Variants in LRRTM4 observed in about 807,000 individuals in gnomAD.
LRRTM4 encodes leucine-rich repeat transmembrane neuronal protein 4.
Under a neutral mutation model 47.6 loss-of-function variants are expected in LRRTM4, and 25 were observed. The observed-to-expected ratio is 0.53, with a 90% CI of 0.38 to 0.73. The LOEUF (loss-of-function observed/expected upper bound fraction) is 0.73. Among genes scored for constraint, LRRTM4 ranks in the 30% least tolerant of loss-of-function variants. LRRTM4 has a pLI of 0.00. For missense variants in LRRTM4, 638 were observed against 713.4 expected (o/e 0.89, Z 1.20); for synonymous variants, 311 against 269.5 (o/e 1.15, Z -1.51).
intron 3 of LRRTM4, among the ~76,000 whole-genome samples, chr2:76,844,591 G>A (rs2103946440): frequency 6.6e-6 from 1 of 152,146 alleles, no homozygotes; most frequent in East Asian, 1.9e-4. Flanking sequence ...TTTTACTGAA[G>A]TTTATCAAAC....
At chr2:76,953,441 G>A (rs912621844) in intron 3 of LRRTM4, among the ~76,000 whole-genome samples, 1 of 151,750 alleles carries the variant, frequency 6.6e-6, no homozygotes, top group African/African-American at 2.4e-5. Context: ...CTTTCCTAAC[G>A]CAGCACTGCT....
rs532307224 is a variant in LRRTM4 at position 76,859,117 on chromosome 2, T to A, written c.1552-110201A>T. ...TCAGTTTTCCATGCTATCATTTTATTTGCACTTCATAAAAATACCATAAAG... is the reference window on the plus strand; with the variant it reads ...TCAGTTTTCCATGCTATCATTTTATATGCACTTCATAAAAATACCATAAAG... On this transcript the variant is annotated intron_variant, in intron 3 of 3. Transcript: ENST00000409884. 2.6e-5 allele frequency among the ~76,000 whole-genome samples: 4 copies of A among 152,306 alleles called. No homozygotes were observed. The South Asian group carries it at 8.3e-4, about 32-fold the overall frequency.
chr2:77,431,086 T>C lies in LRRTM4; in HGVS notation c.1551+87232A>G, dbSNP rs1020381802. 2.7e-5 allele frequency among the ~76,000 whole-genome samples: 4 copies of C among 148,764 alleles called. 1 individual carries two copies. Among genetic ancestry groups the C allele is most frequent in the Non-Finnish European group, 2.9e-5 (2 of 68,006 alleles). On this transcript the variant is annotated intron_variant, in intron 3 of 3. Coordinates refer to ENST00000409884, the MANE Select transcript of LRRTM4 (RefSeq NM_001134745.3). ...TGCCTAGGACTGAGAGTCGCAACAT[T>C]GGTTTCCCCGGTTCTTCGACTCCAA... is the stretch of plus-strand genomic sequence containing the variant.
rs574104961 is a variant in LRRTM4 at position 76,839,928 on chromosome 2, T to C, written c.1552-91012A>G. 8.5e-5 allele frequency among the ~76,000 whole-genome samples: 13 copies of C among 152,266 alleles called. No individual in the cohort carries two copies. In the South Asian group the frequency reaches 2.7e-3, roughly 32 times the overall value. The stretch of plus-strand genomic sequence containing the variant: ...GTTATATCAAATGATTCTGGAATTC[T>C]TTTGTTCACTTAGTGAGAATTATTG... On this transcript the variant is annotated intron_variant, in intron 3 of 3. Transcript: ENST00000409884.
At chr2:77,345,093 T>A (rs1381627075) in intron 3 of LRRTM4, among the ~76,000 whole-genome samples, 1 of 150,516 alleles carries the variant, frequency 6.6e-6, no homozygotes, top group Admixed American at 6.6e-5. Flanking sequence ...AAACACTCAA[T>A]AAAAATTCAG....
intron 3 of LRRTM4, among the ~76,000 whole-genome samples, chr2:76,889,864 GGTA>G (rs1362996941): frequency 6.6e-6 from 1 of 151,806 alleles, no homozygotes; most frequent in Admixed American, 6.6e-5. Context: ...GTGAGATTGA[GGTA>G]GGATGATTGC....
chr2:77,430,936 T>C (rs1675349898), intron 3 of LRRTM4, among the ~76,000 whole-genome samples: 1 of 148,226 alleles, frequency 6.7e-6, no homozygotes, highest in Non-Finnish European at 1.5e-5. Context: ...GAAAGGCCAA[T>C]TTGCTCTGTT....
chr2:77,324,836 A>T (rs1325848713), intron 3 of LRRTM4, among the ~76,000 whole-genome samples: 1 of 152,180 alleles, frequency 6.6e-6, no homozygotes, highest in African/African-American at 2.4e-5. Flanking sequence ...TTTGCAAAGA[A>T]CAATTGAGAG....
rs1679355008 is a variant in LRRTM4 at position 77,518,922 on chromosome 2, C to G, written c.947G>C (p.Ser316Thr). The G allele has an allele frequency of 1.2e-6, 2 of 1,609,528 alleles. No homozygotes were observed. Among genetic ancestry groups the G allele is most frequent in the Non-Finnish European group, 8.5e-7 (1 of 1,177,656 alleles). The change falls in exon 3 of 4, where the codon AGT (serine) becomes ACT (threonine). Residue 316 changes from serine (S) to threonine (T), a missense_variant. By Grantham distance (58) the Ser-to-Thr change is moderately conservative (BLOSUM62 1). Coordinates refer to ENST00000409884, the MANE Select transcript of LRRTM4 (RefSeq NM_001134745.3). The part of the protein sequence containing the change: ...ITLSGNMWEC[S>T]RSICPLFYWL... The stretch of plus-strand genomic sequence containing the variant: ...ATAAAATAAAGGACAAATGCTCCGA[C>G]TGCATTCCCACATATTTCCAGACAA...
At chr2:77,432,233 A>G (rs1675408503) in intron 3 of LRRTM4, among the ~76,000 whole-genome samples, 1 of 152,204 alleles carries the variant, frequency 6.6e-6, no homozygotes. Flanking sequence ...AGCTCCACAT[A>G]GCCCTGCCCC....
intron 3 of LRRTM4, among the ~76,000 whole-genome samples, chr2:77,260,054 C>T (rs1573158503): frequency 6.6e-6 from 1 of 151,996 alleles, no homozygotes; most frequent in Admixed American, 6.6e-5. Flanking sequence ...TTAAAATAAC[C>T]AGTCTAATAG....
intron 3 of LRRTM4, among the ~76,000 whole-genome samples, chr2:77,049,271 A>G (rs576686372): frequency 6.6e-4 from 100 of 150,684 alleles, no homozygotes; most frequent in African/African-American, 2.2e-3. Flanking sequence ...GGGAATGCAT[A>G]TATCTATTTG....
intron 3 of LRRTM4, among the ~76,000 whole-genome samples, chr2:77,165,637 A>T (rs1672859602): frequency 6.6e-6 from 1 of 152,204 alleles, no homozygotes; most frequent in African/African-American, 2.4e-5. Flanking sequence ...CATCCCTGGG[A>T]TGCAAGGCTG....
At chr2:76,906,673 C>CA (rs1431046841) in intron 3 of LRRTM4, among the ~76,000 whole-genome samples, 10 of 151,222 alleles carry the variant, frequency 6.6e-5, no homozygotes, top group Admixed American at 5.3e-4. Context: ...CAATGGAAAA[C>CA]AAAAAAAGGC....
intron 3 of LRRTM4, among the ~76,000 whole-genome samples, chr2:77,148,148 T>C (rs1292521088): frequency 6.6e-6 from 1 of 152,224 alleles, no homozygotes; most frequent in African/African-American, 2.4e-5. Flanking sequence ...TGCAGCCACT[T>C]ACTTTATAGT....
intron 3 of LRRTM4, among the ~76,000 whole-genome samples, chr2:77,345,252 TAAA>T (rs1438012364): frequency 6.6e-6 from 1 of 151,414 alleles, no homozygotes; most frequent in Non-Finnish European, 1.5e-5. Context: ...TCACAATAAT[TAAA>T]AAGAAAAAGG....
chr2:77,092,145 A>G (rs942800780), intron 3 of LRRTM4, among the ~76,000 whole-genome samples: 1 of 152,052 alleles, frequency 6.6e-6, no homozygotes, highest in Non-Finnish European at 1.5e-5. Context: ...TGACGCATAT[A>G]CTTTCTGCTT....
intron 3 of LRRTM4, among the ~76,000 whole-genome samples, chr2:76,986,281 T>C (rs1468637706): frequency 6.7e-6 from 1 of 150,178 alleles, no homozygotes; most frequent in Non-Finnish European, 1.5e-5. Flanking sequence ...CTTCTGCTAT[T>C]GATTACTAAA....
chr2:77,446,123 C>T (rs561805452), intron 3 of LRRTM4, among the ~76,000 whole-genome samples: 1 of 152,110 alleles, frequency 6.6e-6, no homozygotes, highest in African/African-American at 2.4e-5. Flanking sequence ...CAGAACAATG[C>T]TTCACTAAAT....
Sources: gnomAD v4.1 joint callset for allele counts (sites outside exome capture counted in the v4.1 genomes callset) on GRCh38, gnomAD v4.1.1 for gene constraint, MANE v1.5 for transcripts, NCBI Gene and HGNC (gene_info 2026-07-23, HGNC 2026-07-21) for gene names.